CMSS1: variants seen among roughly 807,000 people sequenced by gnomAD.
CMSS1 encodes the protein cms1 ribosomal small subunit homolog.
CMSS1 carries 33 observed loss-of-function variants against 43.5 expected under a neutral mutation model. The observed-to-expected ratio is 0.76, with a 90% CI of 0.57 to 1.01. The LOEUF (loss-of-function observed/expected upper bound fraction) is 1.01. CMSS1 is among the 50% of genes least tolerant of loss of function. The pLI, the probability that CMSS1 is intolerant of heterozygous loss-of-function variation, is 0.00. For synonymous variants in CMSS1, 115 were observed against 117.2 expected, an observed-to-expected ratio of 0.98 and a Z score of 0.12; for missense variants, 313 against 326.4, an observed-to-expected ratio of 0.96 and a Z score of 0.32.
chr3:99,911,594 T>G (rs549070462), intron 1 of CMSS1, among the ~76,000 whole-genome samples: 1 of 152,192 alleles, frequency 6.6e-6, no homozygotes, highest in East Asian at 1.9e-4. Flanking sequence ...AAATTTATCT[T>G]TTTAATGTAC....
intron 1 of CMSS1, among the ~76,000 whole-genome samples, chr3:100,084,113 C>T (rs926013890): frequency 8.5e-5 from 13 of 152,098 alleles, no homozygotes; most frequent in African/African-American, 3.1e-4. Flanking sequence ...AATAAAGCCT[C>T]GGGCCATGAG....
chr3:100,119,414 C>T (rs1196350234), intron 1 of CMSS1, among the ~76,000 whole-genome samples: 10 of 152,162 alleles, frequency 6.6e-5, no homozygotes, highest in Admixed American at 6.5e-4. Flanking sequence ...TCATAGTGCT[C>T]CCAAGGCACC....
At chr3:99,840,714 T>C (rs566367215) in intron 1 of CMSS1, among the ~76,000 whole-genome samples, 6 of 152,354 alleles carry the variant, frequency 3.9e-5, no homozygotes, top group African/African-American at 1.2e-4. Context: ...TCAGAAGTCA[T>C]TGGAAGTTAG....
intron 1 of CMSS1, among the ~76,000 whole-genome samples, chr3:99,858,973 A>C (rs1278052023): frequency 6.6e-6 from 1 of 152,246 alleles, no homozygotes; most frequent in Non-Finnish European, 1.5e-5. Flanking sequence ...TTCCATCATT[A>C]ATAAAGCCAG....
At chr3:100,099,573 C>T (rs995292679) in intron 1 of CMSS1, among the ~76,000 whole-genome samples, 6 of 152,200 alleles carry the variant, frequency 3.9e-5, no homozygotes, top group Admixed American at 6.5e-5. Flanking sequence ...TTCTGAGCCT[C>T]ATTTCCCTGT....
chr3:100,007,278 TGAGA>T (rs1195774516), intron 1 of CMSS1, among the ~76,000 whole-genome samples: 2 of 152,196 alleles, frequency 1.3e-5, no homozygotes, highest in African/African-American at 4.8e-5. Context: ...TTTTATTTTT[TGAGA>T]TGAAAATATC....
chr3:99,983,402 A>G lies in CMSS1; in HGVS notation c.65-163571A>G, dbSNP rs1266564913. Among the ~76,000 whole-genome samples the G allele has an allele frequency of 3.6e-5, 4 of 110,388 alleles. 1 individual carries two copies. Among genetic ancestry groups the G allele is most frequent in the African/African-American group, 1.1e-4 (3 of 26,354 alleles). The allele number at this position is 110,388 out of a possible 152,430, so 72.4% of individuals were successfully genotyped here. A position where few individuals can be genotyped will look rare whatever the true frequency, so the allele number is the denominator to read the frequency against. ...AATAAATAAATAAATATATATATAT[A>G]TATATATATATATATATGTATGTAT... On this transcript the variant is annotated intron_variant, in intron 1 of 9. Transcript: ENST00000421999.
intron 1 of CMSS1, among the ~76,000 whole-genome samples, chr3:99,936,384 T>C (rs1042023190): frequency 1.1e-4 from 15 of 134,954 alleles, no homozygotes; most frequent in Non-Finnish European, 2.0e-4. Context: ...TTTTTTTTTT[T>C]TTTTTTTTTG....
intron 1 of CMSS1, among the ~76,000 whole-genome samples, chr3:99,953,609 A>G (rs1044961719): frequency 1.1e-4 from 16 of 152,192 alleles, no homozygotes; most frequent in Non-Finnish European, 2.4e-4. Context: ...AGTCTTTTCT[A>G]AGATGACTTT....
intron 1 of CMSS1, among the ~76,000 whole-genome samples, chr3:100,079,293 C>T (rs978123835): frequency 1.3e-5 from 2 of 152,184 alleles, no homozygotes; most frequent in African/African-American, 4.8e-5. Flanking sequence ...TTCAAAAAGC[C>T]AGCCTAGATT....
In CMSS1 at chr3:99,986,155, A is replaced by G. The variant is rs370163402; in HGVS notation, c.65-160818A>G. On this transcript the variant is annotated intron_variant, in intron 1 of 9. Coordinates refer to ENST00000421999, the MANE Select transcript of CMSS1 (RefSeq NM_032359.4). Reference sequence around the variant, plus strand: ...GAAAATCTAAATTGTTTTTATTTTAATAAGAACCAGATATCTCAAATATGT... The same window carrying G: ...GAAAATCTAAATTGTTTTTATTTTAGTAAGAACCAGATATCTCAAATATGT... Among the ~76,000 whole-genome samples the G allele has an allele frequency of 5.9e-5, 9 of 152,358 alleles. No homozygotes were observed. In the East Asian group the frequency reaches 7.7e-4, roughly 13 times the overall value.
chr3:100,113,397 G>A lies in CMSS1; in HGVS notation c.65-33576G>A, dbSNP rs937875574. On this transcript the variant is annotated intron_variant, in intron 1 of 9. Coordinates refer to ENST00000421999, the MANE Select transcript of CMSS1 (RefSeq NM_032359.4). ...TGGATATCCAGTCATCTTCTGTGGG[G>A]TGTTACAGAACAAGTTCTTGATAGG... Among the ~76,000 whole-genome samples the A allele has an allele frequency of 2.0e-5, 3 of 152,196 alleles. No individual in the cohort carries two copies. In the South Asian group the frequency reaches 6.2e-4, roughly 31 times the overall value.
intron 1 of CMSS1, among the ~76,000 whole-genome samples, chr3:99,962,292 G>A (rs1708516469): frequency 6.6e-6 from 1 of 152,146 alleles, no homozygotes; most frequent in Admixed American, 6.5e-5. Context: ...GTGGGAAGAT[G>A]AGGTCGCATG....
chr3:100,069,951 G>A (rs892729962), intron 1 of CMSS1, among the ~76,000 whole-genome samples: 1 of 152,066 alleles, frequency 6.6e-6, no homozygotes, highest in African/African-American at 2.4e-5. Context: ...TCAAGTCTAT[G>A]GTACATTAAG....
intron 1 of CMSS1, among the ~76,000 whole-genome samples, chr3:99,969,654 A>C (rs1371997177): frequency 6.6e-6 from 1 of 152,182 alleles, no homozygotes; most frequent in African/African-American, 2.4e-5. Context: ...GGGCAAAGGC[A>C]CGGGGAGCCT....
At chr3:100,172,163 T>A (rs2067115534) in intron 7 of CMSS1, 153 bp from the exon 8 acceptor site, 8 of 673,722 alleles carry the variant, frequency 1.2e-5, no homozygotes, top group Non-Finnish European at 2.0e-5. Flanking sequence ...TTTCTAGGGA[T>A]ATGCTCATCT....
In CMSS1 at chr3:99,905,703, T is replaced by C. The variant is rs368225006; in HGVS notation, c.64+87660T>C. Among the ~76,000 whole-genome samples, 10 of 152,328 alleles carry C rather than the reference T, an allele frequency of 6.6e-5. 1 individual carries two copies. The South Asian group carries it at 1.0e-3, about 16-fold the overall frequency. On this transcript the variant is annotated intron_variant, in intron 1 of 9. Transcript: ENST00000421999. Reference sequence around the variant, plus strand: ...CCTTTGTGGCACATTCCAGTTGATATCCACTTTCTTACTGAGAGGTTGCCA... The same window carrying C: ...CCTTTGTGGCACATTCCAGTTGATACCCACTTTCTTACTGAGAGGTTGCCA...
intron 1 of CMSS1, among the ~76,000 whole-genome samples, chr3:100,095,526 GTC>G (rs2066190303): frequency 6.6e-6 from 1 of 151,922 alleles, no homozygotes; most frequent in Admixed American, 6.6e-5. Flanking sequence ...AGAAAAGACA[GTC>G]TCTCCAATAA....
chr3:100,096,541 T>C (rs1035970444), intron 1 of CMSS1, among the ~76,000 whole-genome samples: 2 of 152,118 alleles, frequency 1.3e-5, no homozygotes, highest in African/African-American at 2.4e-5. Context: ...TTCTGACTTA[T>C]TTGTAGGATG....
Sources: gnomAD v4.1 joint callset for allele counts (sites outside exome capture counted in the v4.1 genomes callset) on GRCh38, gnomAD v4.1.1 for gene constraint, MANE v1.5 for transcripts, NCBI Gene and HGNC (gene_info 2026-07-23, HGNC 2026-07-21) for gene names.